CNR1: variants seen among roughly 807,000 people sequenced by gnomAD.
The protein encoded by CNR1 is cannabinoid receptor 1, also known as cannabinoid receptor 1 (brain).
A neutral mutation model predicts 23.0 loss-of-function variants in CNR1; 10 were observed. That is an observed-to-expected ratio of 0.43 (90% CI 0.27 to 0.74). CNR1 has a LOEUF of 0.74. Ranked by LOEUF, CNR1 falls within the 30% of genes least tolerant of loss-of-function variation. The probability of loss-of-function intolerance (pLI) is 0.19; values close to 1 mark genes in which losing one functional copy is unlikely to be tolerated. For synonymous variants in CNR1, 271 were observed against 255.2 expected (o/e 1.06, Z -0.59); for missense variants, 422 against 618.8 (o/e 0.68, Z 3.37).
At chr6:88,155,117 G>C (rs1777726216) in intron 1 of CNR1, among the ~76,000 whole-genome samples, 1 of 152,156 alleles carries the variant, frequency 6.6e-6, no homozygotes, top group Admixed American at 6.5e-5. Flanking sequence ...ACAGTGAAAA[G>C]TATGCTATAT....
chr6:88,153,938 G>C (rs899991330), intron 1 of CNR1, among the ~76,000 whole-genome samples: 3 of 152,184 alleles, frequency 2.0e-5, no homozygotes, highest in Admixed American at 2.0e-4. Flanking sequence ...AAAGAAGCTT[G>C]GTCACTTTTC....
Position 88,142,841 on chromosome 6 carries a change from T to C in CNR1, c.*1015A>G, listed in dbSNP as rs899744508. The C allele has an allele frequency of 1.0e-4, 16 of 152,618 alleles. 1 individual carries two copies. Among genetic ancestry groups the C allele is most frequent in the African/African-American group, 3.4e-4 (14 of 41,408 alleles). The allele number at this position is 152,618 out of a possible 1,614,324, so 9.5% of individuals were successfully genotyped here. A position where few individuals can be genotyped will look rare whatever the true frequency, so the allele number is the denominator to read the frequency against. The stretch of plus-strand genomic sequence containing the variant: ...ACTACTTCTTTTCAATTAAAAAAAA[T>C]GAAGACTGTTGTTTGGCCACCCAGG... On this transcript the variant is annotated 3_prime_UTR_variant, in exon 2 of 2. Transcript: ENST00000369501.
intron 1 of CNR1, among the ~76,000 whole-genome samples, chr6:88,165,587 C>G (rs918421324): frequency 1.3e-5 from 2 of 152,194 alleles, no homozygotes; most frequent in Admixed American, 6.5e-5. Flanking sequence ...GAGCCAGGTG[C>G]ACACACATTC....
intron 1 of CNR1, among the ~76,000 whole-genome samples, chr6:88,153,160 C>A (rs1431801462): frequency 6.6e-6 from 1 of 152,068 alleles, no homozygotes; most frequent in Non-Finnish European, 1.5e-5. Context: ...ATCATCTATT[C>A]TTTTTGTCTA....
chr6:88,167,249 G>A (rs977075545), upstream of CNR1, among the ~76,000 whole-genome samples: 1 of 152,086 alleles, frequency 6.6e-6, no homozygotes, highest in African/African-American at 2.4e-5. Flanking sequence ...GGGACTCGGG[G>A]GCGGCAGCGG....
rs757110416 is a variant in CNR1, at chr6:88,144,312, C to T, written c.963G>A (p.Thr321=). The T allele has an allele frequency of 6.2e-6, 10 of 1,612,790 alleles. No individual in the cohort carries two copies. Among genetic ancestry groups the T allele is most frequent in the South Asian group, 4.4e-5 (4 of 91,076 alleles). ...TCACCTGTACCTTCCCATCCTCAGA[C>T]GTGTGGATGATGATGCTCTTCTGGG... The part of the protein sequence containing the change: ...RGTQKSIIIH[T]SEDGKVQVTR... Residue 321 remains threonine, a synonymous_variant, in exon 2 of 2, where the codon ACG becomes ACA. Coordinates refer to ENST00000369501, the MANE Select transcript of CNR1 (RefSeq NM_016083.6). This position sits in a 1 kb window ranked among gnomAD's most constrained non-coding sequence, Gnocchi z 7.8.
chr6:88,154,228 T>TA (rs1308803498), intron 1 of CNR1, among the ~76,000 whole-genome samples: 1 of 152,248 alleles, frequency 6.6e-6, no homozygotes, highest in Admixed American at 6.5e-5. Flanking sequence ...TATCAATTGA[T>TA]ATGAACTTAG....
intron 1 of CNR1, among the ~76,000 whole-genome samples, chr6:88,148,186 T>G (rs1777310649): frequency 6.6e-6 from 1 of 152,190 alleles, no homozygotes; most frequent in African/African-American, 2.4e-5. Context: ...TCCCGCCTGG[T>G]CAACTCCTCC....
At chr6:88,166,970 C>T (rs1272269004), upstream of CNR1, among the ~76,000 whole-genome samples, 1 of 151,884 alleles carries the variant, frequency 6.6e-6, no homozygotes, top group Non-Finnish European at 1.5e-5. Context: ...CGCTACCTGG[C>T]TGCGGTCGCG....
At chr6:88,156,971 A>G (rs1220057315) in intron 1 of CNR1, among the ~76,000 whole-genome samples, 1 of 152,212 alleles carries the variant, frequency 6.6e-6, no homozygotes, top group African/African-American at 2.4e-5. Flanking sequence ...AGTATCACAT[A>G]GAAATTATAT....
chr6:88,142,112 C>T lies in CNR1; in HGVS notation c.*1744G>A, dbSNP rs975212238. Reference sequence around the variant, plus strand: ...ATGCTTGAGTGTATCTTGCTAACCACGAGCAAAGGAGAGATTTGTTCCTTA... The same window carrying T: ...ATGCTTGAGTGTATCTTGCTAACCATGAGCAAAGGAGAGATTTGTTCCTTA... On this transcript the variant is annotated 3_prime_UTR_variant, in exon 2 of 2. Transcript: ENST00000369501. 3 of 152,326 alleles carry T rather than the reference C, an allele frequency of 2.0e-5. No homozygotes were observed. Among genetic ancestry groups the T allele is most frequent in the Non-Finnish European group, 4.4e-5 (3 of 68,044 alleles). The allele number at this position is 152,326 out of a possible 1,614,324, so 9.4% of individuals were successfully genotyped here.
intron 1 of CNR1, among the ~76,000 whole-genome samples, chr6:88,156,515 A>T (rs1777807148): frequency 6.6e-6 from 1 of 152,210 alleles, no homozygotes; most frequent in African/African-American, 2.4e-5. Context: ...ATAAAAACAT[A>T]TAAAGGGAAT....
At chr6:88,160,391 G>A (rs888598697) in intron 1 of CNR1, among the ~76,000 whole-genome samples, 5 of 150,472 alleles carry the variant, frequency 3.3e-5, no homozygotes, top group Non-Finnish European at 7.4e-5. Flanking sequence ...GTCCATATAA[G>A]TAGAAATTTA....
chr6:88,149,464 C>T (rs1466507531), intron 1 of CNR1, among the ~76,000 whole-genome samples: 2 of 152,218 alleles, frequency 1.3e-5, no homozygotes, highest in Non-Finnish European at 2.9e-5. Flanking sequence ...ACTCCATTTA[C>T]ATATGGAAAG....
At chr6:88,152,853 G>A (rs1457652855) in intron 1 of CNR1, among the ~76,000 whole-genome samples, 2 of 152,120 alleles carry the variant, frequency 1.3e-5, no homozygotes, top group Non-Finnish European at 2.9e-5. Context: ...CTTAGGCTTT[G>A]GGGGATGTAG....
upstream of CNR1, among the ~76,000 whole-genome samples, chr6:88,166,978 G>C (rs1778396007): frequency 6.6e-6 from 1 of 151,828 alleles, no homozygotes; most frequent in African/African-American, 2.4e-5. Context: ...GGCTGCGGTC[G>C]CGCGGCCACC....
At chr6:88,159,985 T>G (rs1160064929) in intron 1 of CNR1, among the ~76,000 whole-genome samples, 1 of 152,132 alleles carries the variant, frequency 6.6e-6, no homozygotes, top group Non-Finnish European at 1.5e-5. Context: ...AAATGATCTT[T>G]TTTTTTTTAA....
intron 1 of CNR1, among the ~76,000 whole-genome samples, chr6:88,146,463 T>C (rs977854643): frequency 6.6e-6 from 1 of 152,144 alleles, no homozygotes; most frequent in African/African-American, 2.4e-5. Flanking sequence ...GTCCCCTTCA[T>C]GAGCAGGTTG....
At chr6:88,159,882 A>G (rs1777996230) in intron 1 of CNR1, among the ~76,000 whole-genome samples, 1 of 152,384 alleles carries the variant, frequency 6.6e-6, no homozygotes, top group South Asian at 2.1e-4. Context: ...TCATAGTGGC[A>G]TTAAGTCCCT....
Sources: gnomAD v4.1 joint callset for allele counts (sites outside exome capture counted in the v4.1 genomes callset) on GRCh38, gnomAD v4.1.1 for gene constraint, Gnocchi (gnomAD v3.1) non-coding constraint, MANE v1.5 for transcripts, NCBI Gene and HGNC (gene_info 2026-07-23, HGNC 2026-07-21) for gene names.